The following GALNT17 variants were observed in gnomAD, a reference collection of about 807,000 sequenced individuals.
GALNT17 encodes the protein polypeptide N-acetylgalactosaminyltransferase 17.
In GALNT17, 29 loss-of-function variants were observed where a neutral mutation model predicts 63.7. The observed-to-expected ratio is 0.46, with a 90% CI of 0.34 to 0.62. The LOEUF is 0.62. GALNT17 is among the 20% of genes least tolerant of loss of function. GALNT17 has a pLI of 0.01. For missense variants in GALNT17, 603 were observed against 799.6 expected (o/e 0.75, Z 2.97); for synonymous variants, 305 against 318.3 (o/e 0.96, Z 0.45).
At chr7:71,680,787 CCCTTCCTT>C (rs1217875878) in intron 9 of GALNT17, among the ~76,000 whole-genome samples, 3 of 142,842 alleles carry the variant, frequency 2.1e-5, no homozygotes, top group African/African-American at 2.7e-5. Context: ...TCTTTCTTTT[CCCTTCCTT>C]CCTTCCTTCC....
intron 5 of GALNT17, among the ~76,000 whole-genome samples, chr7:71,522,843 A>G (rs1184884578): frequency 2.0e-5 from 3 of 152,222 alleles, no homozygotes; most frequent in Non-Finnish European, 4.4e-5. Flanking sequence ...GAATAAACCA[A>G]CTAGCCAATG....
At chr7:71,220,734 A>G (rs948673743) in intron 1 of GALNT17, among the ~76,000 whole-genome samples, 1 of 152,122 alleles carries the variant, frequency 6.6e-6, no homozygotes, top group Non-Finnish European at 1.5e-5. Flanking sequence ...ACACAGACAC[A>G]CAGGGGGAAG....
intron 9 of GALNT17, among the ~76,000 whole-genome samples, chr7:71,701,684 T>G (rs1791633973): frequency 6.7e-6 from 1 of 149,876 alleles, no homozygotes; most frequent in Non-Finnish European, 1.5e-5. Context: ...TTAACCTAAG[T>G]GCGCATCAAG....
chr7:71,411,975 A>G (rs2116422845), intron 3 of GALNT17, among the ~76,000 whole-genome samples: 1 of 152,336 alleles, frequency 6.6e-6, no homozygotes, highest in Middle Eastern at 3.4e-3. Flanking sequence ...CTGGTGTCAT[A>G]GGAGCATTAT....
At chr7:71,698,123 C>CAA (rs10708106) in intron 9 of GALNT17, among the ~76,000 whole-genome samples, 5,074 of 107,446 alleles carry the variant, frequency 0.047, 135 homozygotes, top group Non-Finnish European at 0.055. Flanking sequence ...GACTCTGTCT[C>CAA]AAAAAAAAAA....
intron 5 of GALNT17, among the ~76,000 whole-genome samples, chr7:71,488,068 A>G (rs1787941990): frequency 6.6e-6 from 1 of 151,690 alleles, no homozygotes; most frequent in African/African-American, 2.4e-5. Flanking sequence ...TACTCGGGAG[A>G]CCAAGGCGGA....
intron 3 of GALNT17, among the ~76,000 whole-genome samples, chr7:71,393,695 A>G (rs1793089926): frequency 6.6e-6 from 1 of 152,168 alleles, no homozygotes; most frequent in South Asian, 2.1e-4. Flanking sequence ...AGCAGACGAG[A>G]TGAGACTGCA....
chr7:71,490,028 C>T (rs1381881365), intron 5 of GALNT17, among the ~76,000 whole-genome samples: 2 of 151,966 alleles, frequency 1.3e-5, no homozygotes, highest in Admixed American at 6.6e-5. Context: ...GAGGCCGAGG[C>T]GGGCAGATCA....
In GALNT17 at chr7:71,265,128, T is replaced by A. The variant is rs1274757321; in HGVS notation, c.239-70422T>A. On this transcript the variant is annotated intron_variant, in intron 1 of 10. Transcript: ENST00000333538. ...TATATATATATATATATTTTTTTTT[T>A]TTTTTTTTTTTTTTTTGAGATGGAG... 7.5e-3 allele frequency among the ~76,000 whole-genome samples: 176 copies of A among 23,362 alleles called. 2 individuals are homozygous for A. The highest frequency in any genetic ancestry group is 0.013 in the East Asian group (3 of 226). The allele number at this position is 23,362 out of a possible 152,430, so 15.3% of individuals were successfully genotyped here. A position where few individuals can be genotyped will look rare whatever the true frequency, so the allele number is the denominator to read the frequency against.
intron 9 of GALNT17, among the ~76,000 whole-genome samples, chr7:71,683,959 A>T (rs1296209031): frequency 3.3e-5 from 5 of 149,988 alleles, no homozygotes; most frequent in African/African-American, 9.8e-5. Flanking sequence ...CAGTGAGCTG[A>T]GACCATGCCA....
intron 5 of GALNT17, among the ~76,000 whole-genome samples, chr7:71,549,444 T>C (rs1789038524): frequency 6.6e-6 from 1 of 152,102 alleles, no homozygotes; most frequent in Non-Finnish European, 1.5e-5. Flanking sequence ...GGTGCATGCC[T>C]GTAGTCCCAG....
At chr7:71,514,940 G>A (rs563886384) in intron 5 of GALNT17, among the ~76,000 whole-genome samples, 8 of 152,268 alleles carry the variant, frequency 5.3e-5, no homozygotes, top group African/African-American at 1.9e-4. Flanking sequence ...CTCCCATACT[G>A]TTCTTGTGAT....
chr7:71,155,674 C>A (rs1788221670), intron 1 of GALNT17, among the ~76,000 whole-genome samples: 1 of 151,686 alleles, frequency 6.6e-6, no homozygotes, highest in African/African-American at 2.4e-5. Context: ...CCATAAGAGA[C>A]TACTGATTTT....
intron 3 of GALNT17, among the ~76,000 whole-genome samples, chr7:71,398,831 C>A (rs554765086): frequency 6.6e-6 from 1 of 152,330 alleles, no homozygotes; most frequent in African/African-American, 2.4e-5. Context: ...TAGTAAATTT[C>A]ATGTTATGTC....
At chr7:71,414,730 G>C (rs1225480124) in intron 3 of GALNT17, among the ~76,000 whole-genome samples, 1 of 152,162 alleles carries the variant, frequency 6.6e-6, no homozygotes, top group Admixed American at 6.5e-5. Context: ...TCCTGGCATG[G>C]TGCCCAGCGC....
intron 3 of GALNT17, among the ~76,000 whole-genome samples, chr7:71,413,147 T>C (rs1231297351): frequency 6.6e-6 from 1 of 152,184 alleles, no homozygotes; most frequent in Non-Finnish European, 1.5e-5. Flanking sequence ...GATCCAATTT[T>C]TCACTTAGGT....
intron 3 of GALNT17, among the ~76,000 whole-genome samples, chr7:71,403,552 A>T (rs1487083590): frequency 6.6e-6 from 1 of 152,174 alleles, no homozygotes; most frequent in African/African-American, 2.4e-5. Context: ...CTATTGATAG[A>T]ACACTCGTAT....
chr7:71,583,398 G>A (rs1234520375), intron 6 of GALNT17, among the ~76,000 whole-genome samples: 2 of 152,176 alleles, frequency 1.3e-5, no homozygotes, highest in South Asian at 2.1e-4. Context: ...CTGGCCACCT[G>A]TTTGCCTCTA....
At chr7:71,158,463 T>C (rs7796607) in intron 1 of GALNT17, among the ~76,000 whole-genome samples, 134,124 of 150,750 alleles carry the variant, frequency 0.89, 59,992 homozygotes, top group African/African-American at 0.97. Flanking sequence ...GGCGTGATCT[T>C]GGCTCACTGC....
Sources: allele counts gnomAD v4.1 joint callset (sites outside exome capture counted in the v4.1 genomes callset), GRCh38; gene constraint gnomAD v4.1.1; transcripts MANE v1.5; gene names NCBI Gene and HGNC (gene_info 2026-07-23, HGNC 2026-07-21).